The following TAF3 variants were observed in gnomAD, a reference collection of about 807,000 sequenced individuals.
TAF3 encodes TATA-box binding protein associated factor 3, also known as transcription initiation factor TFIID subunit 3.
TAF3 carries 7 observed loss-of-function variants against 80.6 expected under a neutral mutation model. The ratio of observed to expected loss-of-function variants is 0.09; its 90% confidence interval spans 0.05 to 0.16. TAF3 has a LOEUF of 0.16. TAF3 is among the 10% of genes least tolerant of loss of function. TAF3 has a pLI of 1.00. For missense variants in TAF3, 921 were observed against 1,140.2 expected, an observed-to-expected ratio of 0.81 and a Z score of 2.77; for synonymous variants, 444 against 446.1, an observed-to-expected ratio of 1.00 and a Z score of 0.06.
At chr10:7,962,319 ATCCATGTTATTGCTC>A (rs1166138898) in intron 2 of TAF3, among the ~76,000 whole-genome samples, 1 of 152,012 alleles carries the variant, frequency 6.6e-6, no homozygotes, top group African/African-American at 2.4e-5. Flanking sequence ...CACTTCAGTA[ATCCATGTTATTGCTC>A]TCCTTCAGTA....
At chr10:7,849,811 C>T (rs1379387720) in intron 2 of TAF3, among the ~76,000 whole-genome samples, 1 of 152,034 alleles carries the variant, frequency 6.6e-6, no homozygotes, top group East Asian at 1.9e-4. Flanking sequence ...TCCCAAGTAG[C>T]TGGGACCACA....
intron 1 of TAF3, 66 bp downstream of exon 1, chr10:7,818,941 T>C: frequency 7.5e-7 from 1 of 1,329,726 alleles, no homozygotes; most frequent in Non-Finnish European, 9.6e-7. Flanking sequence ...TCGCTCTCCC[T>C]GTCCCTCCGC....
chr10:7,923,018 C>A (rs1363011924), intron 2 of TAF3, among the ~76,000 whole-genome samples: 1 of 152,012 alleles, frequency 6.6e-6, no homozygotes, highest in Non-Finnish European at 1.5e-5. Flanking sequence ...TCTGGTCTGC[C>A]TACCAAACAG....
chr10:7,871,435 C>CTTTTTTTTTT lies in TAF3; in HGVS notation c.409+46891_409+46900dup, dbSNP rs527356726. The stretch of plus-strand genomic sequence containing the variant: ...CTAAATTGATGACAAATAACTGCTG[C>CTTTTTTTTTT]TTTTTTTTTTTTTTTTTTTTTTTTT... On this transcript the variant is annotated intron_variant, in intron 2 of 6. Coordinates refer to ENST00000344293, the MANE Select transcript of TAF3 (RefSeq NM_031923.4). Among the ~76,000 whole-genome samples, 162 of 69,088 alleles carry CTTTTTTTTTT rather than the reference C, an allele frequency of 2.3e-3. 12 individuals are homozygous for CTTTTTTTTTT. Among genetic ancestry groups the CTTTTTTTTTT allele is most frequent in the African/African-American group, 4.1e-3 (85 of 20,526 alleles). 45.3% of individuals were successfully genotyped at this position (69,088 alleles called of 152,430 possible).
chr10:7,873,617 TC>T (rs76357762), intron 2 of TAF3, among the ~76,000 whole-genome samples: 31,705 of 92,638 alleles, frequency 0.34, 5,555 homozygotes, highest in Non-Finnish European at 0.38. Context: ...ATCCGAGTTC[TC>T]CCCCCCCCCC....
At chr10:7,965,764 G>A (rs574504976) in intron 3 of TAF3, 22 bp downstream of exon 3, 17 of 1,517,624 alleles carry the variant, frequency 1.1e-5, no homozygotes, top group African/African-American at 1.4e-5. Flanking sequence ...CTCATTTTTG[G>A]CCCTATCTGA....
intron 2 of TAF3, among the ~76,000 whole-genome samples, chr10:7,898,470 C>T (rs1202160600): frequency 1.3e-5 from 2 of 149,954 alleles, no homozygotes; most frequent in Non-Finnish European, 2.9e-5. Flanking sequence ...CACTTGAACC[C>T]AGGAGGCAGA....
chr10:7,974,122 C>T (rs1831647003), intron 3 of TAF3, among the ~76,000 whole-genome samples: 1 of 141,914 alleles, frequency 7.0e-6, no homozygotes, highest in South Asian at 2.4e-4. Context: ...AGTGAGATTC[C>T]TTCTGAAACA....
At chr10:7,879,607 TG>T (rs1428292931) in intron 2 of TAF3, among the ~76,000 whole-genome samples, 51 of 152,216 alleles carry the variant, frequency 3.4e-4, no homozygotes, top group Admixed American at 3.3e-3. Context: ...CGGCTCTTTT[TG>T]TAAGACAATT....
intron 2 of TAF3, among the ~76,000 whole-genome samples, chr10:7,917,471 C>T (rs1240960468): frequency 1.3e-5 from 2 of 152,128 alleles, no homozygotes; most frequent in Non-Finnish European, 2.9e-5. Flanking sequence ...GTGGAACGGC[C>T]GATGGATTTG....
At chr10:7,960,127 G>T (rs189446429) in intron 2 of TAF3, among the ~76,000 whole-genome samples, 170 of 152,288 alleles carry the variant, frequency 1.1e-3, no homozygotes, top group African/African-American at 3.9e-3. Context: ...GCATCATTGG[G>T]ATTTATGAAC....
At chr10:7,921,261 A>G (rs543075749) in intron 2 of TAF3, among the ~76,000 whole-genome samples, 26 of 152,128 alleles carry the variant, frequency 1.7e-4, no homozygotes, top group Admixed American at 2.0e-4. Flanking sequence ...TAGTTTTTCT[A>G]TCCTTTCCAC....
At chr10:7,918,692 G>C (rs1159975534) in intron 2 of TAF3, among the ~76,000 whole-genome samples, 1 of 152,176 alleles carries the variant, frequency 6.6e-6, no homozygotes, top group Non-Finnish European at 1.5e-5. Context: ...CTGAAGCTTA[G>C]CTAGGTTTTG....
In TAF3 at chr10:7,869,247, GTGTGTGTGTGTGTC is replaced by G. The variant is rs753130383; in HGVS notation, c.409+44714_409+44727del. 3.7e-3 allele frequency among the ~76,000 whole-genome samples: 374 copies of G among 101,768 alleles called. 2 individuals carry two copies. Among genetic ancestry groups the G allele is most frequent in the East Asian group, 0.031 (84 of 2,676 alleles). The allele number at this position is 101,768 out of a possible 152,430, so 66.8% of individuals were successfully genotyped here. On this transcript the variant is annotated intron_variant, in intron 2 of 6. Coordinates refer to ENST00000344293, the MANE Select transcript of TAF3 (RefSeq NM_031923.4). ...AGAATAATCCTTCCTGACTTCTACC[GTGTGTGTGTGTGTC>G]TGTGTGTGTGTGTCTGTGTGTGTGT...
At chr10:7,973,865 C>A (rs1195764130) in intron 3 of TAF3, among the ~76,000 whole-genome samples, 1 of 152,160 alleles carries the variant, frequency 6.6e-6, no homozygotes, top group Admixed American at 6.5e-5. Flanking sequence ...CACGGTGGCT[C>A]ACGCCTGTTA....
At chr10:7,891,413 G>A (rs1837456240) in intron 2 of TAF3, among the ~76,000 whole-genome samples, 1 of 152,056 alleles carries the variant, frequency 6.6e-6, no homozygotes, top group Non-Finnish European at 1.5e-5. Flanking sequence ...AACTTAATAT[G>A]AAAAAGGTAG....
intron 2 of TAF3, among the ~76,000 whole-genome samples, chr10:7,880,871 T>A (rs1194510429): frequency 6.6e-6 from 1 of 152,216 alleles, no homozygotes; most frequent in African/African-American, 2.4e-5. Context: ...ATATCTAATT[T>A]TCTGCTAATC....
At chr10:7,866,685 T>C (rs1257900388) in intron 2 of TAF3, among the ~76,000 whole-genome samples, 1 of 152,094 alleles carries the variant, frequency 6.6e-6, no homozygotes, top group Non-Finnish European at 1.5e-5. Context: ...TTGAAGAGTT[T>C]TAAGTTATTA....
chr10:8,010,704 C>A (rs1474425854), intron 5 of TAF3, among the ~76,000 whole-genome samples: 1 of 152,150 alleles, frequency 6.6e-6, no homozygotes, highest in African/African-American at 2.4e-5. Flanking sequence ...GTCAGGAGTT[C>A]GAGACCAGCC....
Sources: allele counts gnomAD v4.1 joint callset (sites outside exome capture counted in the v4.1 genomes callset), GRCh38; gene constraint gnomAD v4.1.1; transcripts MANE v1.5; gene names NCBI Gene and HGNC (gene_info 2026-07-23, HGNC 2026-07-21).